PDS5B: variants seen among roughly 807,000 people sequenced by gnomAD.
The protein encoded by PDS5B is PDS5 cohesin associated factor B.
PDS5B carries 51 observed loss-of-function variants against 184.1 expected under a neutral mutation model. The ratio of observed to expected loss-of-function variants is 0.28; its 90% confidence interval spans 0.22 to 0.35. PDS5B has a LOEUF of 0.35. Among genes scored for constraint, PDS5B ranks in the 10% least tolerant of loss-of-function variants. PDS5B has a pLI of 1.00. For synonymous variants in PDS5B, 566 were observed against 569.2 expected, an observed-to-expected ratio of 0.99 and a Z score of 0.08; for missense variants, 1,180 against 1,723.3, an observed-to-expected ratio of 0.68 and a Z score of 5.58.
intron 1 of PDS5B, among the ~76,000 whole-genome samples, chr13:32,588,213 T>C (rs980749450): frequency 6.6e-6 from 1 of 152,216 alleles, no homozygotes; most frequent in Non-Finnish European, 1.5e-5. Context: ...CAACAATTAA[T>C]CTTGTATCTC....
chr13:32,698,322 T>A (rs1951767011), intron 15 of PDS5B, among the ~76,000 whole-genome samples: 1 of 152,262 alleles, frequency 6.6e-6, no homozygotes, highest in East Asian at 1.9e-4. Context: ...AATAACACTT[T>A]CCAAAATTAT....
Position 32,648,802 on chromosome 13 carries a change from TG to T in PDS5B, c.32del (p.Gly11GlufsTer22). MAHSKTRTND[G>X]KITYPPGVKE... ...CTCATTCAAAGACTAGGACCAATGA[TG>T]GAAAAATTACATATCCGCCTGGGGT... On this transcript the variant is annotated frameshift_variant, in exon 2 of 35. Coordinates refer to ENST00000315596, the MANE Select transcript of PDS5B (RefSeq NM_015032.4). LOFTEE classifies it high-confidence loss of function. The T allele has an allele frequency of 6.5e-7, 1 of 1,549,444 alleles. No homozygotes were observed. Among genetic ancestry groups the T allele is most frequent in the Non-Finnish European group, 8.9e-7 (1 of 1,121,198 alleles).
intron 12 of PDS5B, among the ~76,000 whole-genome samples, chr13:32,687,881 T>G (rs973809415): frequency 6.6e-6 from 1 of 152,136 alleles, no homozygotes; most frequent in Non-Finnish European, 1.5e-5. Flanking sequence ...ATGAGAAAAT[T>G]AAGAAGCAGG....
At chr13:32,761,303 A>G (rs1954386497) in intron 30 of PDS5B, among the ~76,000 whole-genome samples, 1 of 152,218 alleles carries the variant, frequency 6.6e-6, no homozygotes, top group South Asian at 2.1e-4. Flanking sequence ...CCACGTACAT[A>G]TATAAACTTC....
chr13:32,749,589 G>A (rs569706879), intron 24 of PDS5B, among the ~76,000 whole-genome samples: 2 of 152,136 alleles, frequency 1.3e-5, no homozygotes, highest in Admixed American at 6.5e-5. Flanking sequence ...TCTAAGTTCT[G>A]GAAATACAAA....
chr13:32,710,674 C>G (rs1369207019), intron 19 of PDS5B, among the ~76,000 whole-genome samples: 3 of 152,180 alleles, frequency 2.0e-5, no homozygotes, highest in Non-Finnish European at 2.9e-5. Flanking sequence ...GCTTACTTCT[C>G]TATGTATATC....
intron 6 of PDS5B, among the ~76,000 whole-genome samples, chr13:32,663,840 A>G (rs147856946): frequency 0.013 from 1,977 of 152,256 alleles, 28 homozygotes; most frequent in South Asian, 0.062. Context: ...ATTGTACCCA[A>G]TGTGTACACA....
chr13:32,605,961 C>G (rs1363043207), intron 1 of PDS5B, among the ~76,000 whole-genome samples: 1 of 151,264 alleles, frequency 6.6e-6, no homozygotes, highest in East Asian at 1.9e-4. Context: ...CTGTGTGTGT[C>G]TCTGCGTGTG....
At chr13:32,591,660 A>C (rs2057777873) in intron 1 of PDS5B, among the ~76,000 whole-genome samples, 2 of 152,192 alleles carry the variant, frequency 1.3e-5, no homozygotes, top group Non-Finnish European at 2.9e-5. Context: ...CTATATTGCC[A>C]ATTTGATATA....
chr13:32,728,349 A>G (rs1028844311), intron 19 of PDS5B, among the ~76,000 whole-genome samples: 1 of 152,000 alleles, frequency 6.6e-6, no homozygotes, highest in African/African-American at 2.4e-5. Context: ...AGGGCTTTCT[A>G]CTATGTCTAG....
chr13:32,679,062 G>A (rs375933314), intron 10 of PDS5B, 133 bp downstream of exon 10: 9 of 479,734 alleles, frequency 1.9e-5, no homozygotes. Context: ...GGTCATGGAA[G>A]TTGTTCTCTG....
chr13:32,590,932 A>G (rs903499305), intron 1 of PDS5B, among the ~76,000 whole-genome samples: 1 of 151,398 alleles, frequency 6.6e-6, no homozygotes, highest in Non-Finnish European at 1.5e-5. Context: ...AGAATTGTGT[A>G]TTTTAAGTTA....
intron 10 of PDS5B, among the ~76,000 whole-genome samples, chr13:32,682,339 GT>G (rs1951271131): frequency 6.6e-6 from 1 of 152,084 alleles, no homozygotes; most frequent in South Asian, 2.1e-4. Context: ...CTGTAGGTTA[GT>G]TTTGCCTGTT....
At chr13:32,595,387 A>G (rs973519849) in intron 1 of PDS5B, among the ~76,000 whole-genome samples, 2 of 152,162 alleles carry the variant, frequency 1.3e-5, no homozygotes, top group Admixed American at 6.5e-5. Flanking sequence ...AAAGATACAC[A>G]ATAAAAAACC....
In PDS5B at chr13:32,776,777, ATTGATGTGATTAT is replaced by A. The variant is rs1954970943; in HGVS notation, c.*1728_*1740del. On this transcript the variant is annotated 3_prime_UTR_variant, in exon 35 of 35. Coordinates refer to ENST00000315596, the MANE Select transcript of PDS5B (RefSeq NM_015032.4). ...TTACTATTTGCCAATGTATATTGCA[ATTGATGTGATTAT>A]TTTTCTTTTAAAGATTTGTTTGTGT... The A allele has an allele frequency of 6.6e-6, 1 of 152,514 alleles. No homozygotes were observed. Among genetic ancestry groups the A allele is most frequent in the Admixed American group, 6.6e-5 (1 of 15,266 alleles). The allele number at this position is 152,514 out of a possible 1,614,324, so 9.4% of individuals were successfully genotyped here.
At chr13:32,717,057 G>A (rs1243919127) in intron 19 of PDS5B, among the ~76,000 whole-genome samples, 2 of 148,828 alleles carry the variant, frequency 1.3e-5, no homozygotes, top group Non-Finnish European at 3.0e-5. Context: ...GCCTCGTCCG[G>A]GAGGGAGGTG....
intron 1 of PDS5B, among the ~76,000 whole-genome samples, chr13:32,639,665 T>G (rs2058624188): frequency 6.6e-6 from 1 of 152,210 alleles, no homozygotes; most frequent in Non-Finnish European, 1.5e-5. Context: ...TTACACTGTT[T>G]AATTATTGTG....
At chr13:32,598,035 G>A (rs1407994321) in intron 1 of PDS5B, among the ~76,000 whole-genome samples, 1 of 151,926 alleles carries the variant, frequency 6.6e-6, no homozygotes, top group African/African-American at 2.4e-5. Context: ...AATCAGACGA[G>A]ACGTTTCCTT....
chr13:32,774,693 G>GA (rs1052192686), intron 34 of PDS5B, among the ~76,000 whole-genome samples: 4 of 152,148 alleles, frequency 2.6e-5, no homozygotes, highest in African/African-American at 9.7e-5. Context: ...AACATAAGTA[G>GA]AAAGATGATT....
Sources: gnomAD v4.1 joint callset for allele counts (sites outside exome capture counted in the v4.1 genomes callset) on GRCh38, gnomAD v4.1.1 for gene constraint, MANE v1.5 for transcripts, NCBI Gene and HGNC (gene_info 2026-07-23, HGNC 2026-07-21) for gene names.